The following TTLL11 variants were observed in gnomAD, a reference collection of about 807,000 sequenced individuals.
The protein encoded by TTLL11 is tubulin tyrosine ligase like 11.
TTLL11 carries 42 observed loss-of-function variants against 51.7 expected under a neutral mutation model. The ratio of observed to expected loss-of-function variants is 0.81; its 90% confidence interval spans 0.64 to 1.05. TTLL11 has a LOEUF of 1.05. Ranked by LOEUF, TTLL11 falls within the 50% of genes least tolerant of loss-of-function variation. The pLI is 0.00. For synonymous variants in TTLL11, 381 were observed against 383.5 expected, an observed-to-expected ratio of 0.99 and a Z score of 0.08; for missense variants, 799 against 940.4, an observed-to-expected ratio of 0.85 and a Z score of 1.97.
intron 6 of TTLL11, among the ~76,000 whole-genome samples, chr9:121,921,487 A>T (rs920341805): frequency 1.9e-4 from 29 of 151,946 alleles, no homozygotes; most frequent in African/African-American, 6.8e-4. Flanking sequence ...CTAAGTAACA[A>T]TTTTTTTTCC....
intron 1 of TTLL11, among the ~76,000 whole-genome samples, chr9:122,050,162 C>A (rs545486774): frequency 6.6e-6 from 1 of 152,328 alleles, no homozygotes; most frequent in Admixed American, 6.5e-5. Flanking sequence ...ACCTGTCCAC[C>A]TCCCAGGGCT....
At chr9:121,994,622 T>G (rs1056611001) in intron 3 of TTLL11, among the ~76,000 whole-genome samples, 4 of 152,010 alleles carry the variant, frequency 2.6e-5, no homozygotes, top group African/African-American at 9.7e-5. Context: ...GAGAGATGTA[T>G]GAGAAGGGGA....
intron 6 of TTLL11, among the ~76,000 whole-genome samples, chr9:121,935,682 A>T (rs1448223536): frequency 6.6e-6 from 1 of 152,234 alleles, no homozygotes; most frequent in Non-Finnish European, 1.5e-5. Context: ...GAGCTCTCCA[A>T]ACTTGAGACG....
chr9:122,037,453 G>T (rs1844735449), intron 2 of TTLL11, among the ~76,000 whole-genome samples: 1 of 152,162 alleles, frequency 6.6e-6, no homozygotes, highest in Non-Finnish European at 1.5e-5. Context: ...AAGGTAGAAT[G>T]TTAGCTGAAT....
chr9:121,854,858 C>G (rs1487503029), intron 8 of TTLL11, among the ~76,000 whole-genome samples: 1 of 152,222 alleles, frequency 6.6e-6, no homozygotes, highest in Admixed American at 6.5e-5. Flanking sequence ...CCCAGTTTTG[C>G]TGATAACATC....
chr9:122,062,061 TACTC>T (rs1290201025), intron 1 of TTLL11, among the ~76,000 whole-genome samples: 2 of 152,210 alleles, frequency 1.3e-5, no homozygotes, highest in Non-Finnish European at 2.9e-5. Flanking sequence ...GATGTTAAAA[TACTC>T]ACCAGGGGAG....
chr9:121,839,627 T>C (rs558902385), intron 8 of TTLL11, among the ~76,000 whole-genome samples: 1 of 152,218 alleles, frequency 6.6e-6, no homozygotes, highest in Non-Finnish European at 1.5e-5. Flanking sequence ...AGTATTCTCA[T>C]GGAGGGCTGC....
At chr9:122,064,857 A>G (rs979549807) in intron 1 of TTLL11, among the ~76,000 whole-genome samples, 1 of 152,220 alleles carries the variant, frequency 6.6e-6, no homozygotes, top group Admixed American at 6.5e-5. Flanking sequence ...TCTTAAGATT[A>G]GAACACTCAG....
intron 6 of TTLL11, among the ~76,000 whole-genome samples, chr9:121,915,329 C>T (rs566614322): frequency 5.9e-5 from 9 of 152,302 alleles, no homozygotes; most frequent in Admixed American, 1.3e-4. Flanking sequence ...TTTTGACATA[C>T]GAAAGTGCCA....
At chr9:121,868,151 C>A (rs1290649472) in intron 7 of TTLL11, among the ~76,000 whole-genome samples, 2 of 152,078 alleles carry the variant, frequency 1.3e-5, no homozygotes, top group Non-Finnish European at 2.9e-5. Flanking sequence ...CCACAGATGT[C>A]TTATGCTGAG....
rs1420252471 is a variant in TTLL11 at position 122,040,260 on chromosome 9, C to A, written c.463-892G>T. Reference sequence around the variant, plus strand: ...AAACTCAGACTGAGTGGCCTCAGACCCGCGTGAGCCTGTAAGATAGCCTTG... The same window carrying A: ...AAACTCAGACTGAGTGGCCTCAGACACGCGTGAGCCTGTAAGATAGCCTTG... On this transcript the variant is annotated intron_variant, in intron 1 of 8. Coordinates refer to ENST00000321582, the MANE Select transcript of TTLL11 (RefSeq NM_001139442.2). The A allele has an allele frequency of 4.1e-6, 3 of 723,286 alleles. No homozygotes were observed. The African/African-American group carries it at 5.8e-5, about 14-fold the overall frequency. The allele number at this position is 723,286 out of a possible 1,614,324, so 44.8% of individuals were successfully genotyped here. A position where few individuals can be genotyped will look rare whatever the true frequency, so the allele number is the denominator to read the frequency against.
intron 6 of TTLL11, among the ~76,000 whole-genome samples, chr9:121,919,805 A>C (rs907922909): frequency 6.9e-6 from 1 of 145,068 alleles, no homozygotes; most frequent in Non-Finnish European, 1.5e-5. Context: ...TGAGGCCAGG[A>C]GTTCAAAACC....
At chr9:121,842,210 C>G (rs570924699) in intron 8 of TTLL11, among the ~76,000 whole-genome samples, 1 of 151,806 alleles carries the variant, frequency 6.6e-6, no homozygotes, top group African/African-American at 2.4e-5. Context: ...ACATGTAAAA[C>G]AAGGGGGTTG....
At chr9:121,916,763 T>TGACA (rs1205769764) in intron 6 of TTLL11, among the ~76,000 whole-genome samples, 6 of 152,318 alleles carry the variant, frequency 3.9e-5, no homozygotes, top group Admixed American at 3.3e-4. Context: ...TTGTAGTTGA[T>TGACA]GACAGTCAAG....
chr9:121,972,687 A>G (rs1485061515), intron 6 of TTLL11, among the ~76,000 whole-genome samples: 1 of 152,252 alleles, frequency 6.6e-6, no homozygotes, highest in Non-Finnish European at 1.5e-5. Context: ...CCTTGGCTGC[A>G]CAGCAGAATC....
In TTLL11 at chr9:122,085,785, T is replaced by C. The variant is rs549892749; in HGVS notation, c.462+6902A>G. ...TTACTCTCACAAAAATTCTGTGAGA[T>C]AGATAGCACTAGCCCATTGCTACAG... On this transcript the variant is annotated intron_variant, in intron 1 of 8. Transcript: ENST00000321582. Among the ~76,000 whole-genome samples, 33 of 152,324 alleles carry C rather than the reference T, an allele frequency of 2.2e-4. No homozygotes were observed. In the South Asian group the frequency reaches 6.8e-3, roughly 32 times the overall value.
intron 8 of TTLL11, among the ~76,000 whole-genome samples, chr9:121,839,750 T>C (rs527579722): frequency 1.2e-4 from 18 of 152,158 alleles, no homozygotes; most frequent in Non-Finnish European, 2.6e-4. Flanking sequence ...TGTCCAGCAG[T>C]TAACTGGCGG....
chr9:121,950,526 AC>A (rs1479679012), intron 6 of TTLL11, among the ~76,000 whole-genome samples: 1 of 152,182 alleles, frequency 6.6e-6, no homozygotes, highest in African/African-American at 2.4e-5. Flanking sequence ...GGTTTCTCTG[AC>A]CAGAACAAGG....
intron 3 of TTLL11, among the ~76,000 whole-genome samples, chr9:122,003,561 T>C (rs1049129514): frequency 6.7e-6 from 1 of 148,188 alleles, no homozygotes; most frequent in Non-Finnish European, 1.5e-5. Context: ...CTCGGCTCAC[T>C]GCAACCTCTG....
Sources: allele counts gnomAD v4.1 joint callset (sites outside exome capture counted in the v4.1 genomes callset), GRCh38; gene constraint gnomAD v4.1.1; transcripts MANE v1.5; gene names NCBI Gene and HGNC (gene_info 2026-07-23, HGNC 2026-07-21).